The following QSOX1 variants were observed in gnomAD, a reference collection of about 807,000 sequenced individuals.
The protein encoded by QSOX1 is quiescin sulfhydryl oxidase 1.
QSOX1 carries 40 observed loss-of-function variants against 76.1 expected under a neutral mutation model. That is an observed-to-expected ratio of 0.53 (90% confidence interval 0.41 to 0.68). QSOX1 has a LOEUF of 0.68. Ranked by LOEUF, QSOX1 falls within the 30% of genes least tolerant of loss-of-function variation. The pLI is 0.00. For synonymous variants in QSOX1, 392 were observed against 413.1 expected (o/e 0.95, Z 0.62); for missense variants, 931 against 974.3 (o/e 0.96, Z 0.59).
intron 2 of QSOX1, among the ~76,000 whole-genome samples, chr1:180,175,001 A>C (rs111546181): frequency 0.046 from 6,747 of 145,804 alleles, 325 homozygotes; most frequent in African/African-American, 0.11. Context: ...AATACACACA[A>C]AAAAAATTAG....
chr1:180,175,515 CA>C lies in QSOX1; in HGVS notation c.412+153del, dbSNP rs1662867679. ...ACGGGAAGCCTAACTTGTGTCTTCC[CA>C]AAACTATCCTCCCAGTCAGCTTTAG... is the stretch of plus-strand genomic sequence containing the variant. On this transcript the variant is annotated intron_variant, in intron 3 of 11. Transcript: ENST00000367602. The C allele has an allele frequency of 6.0e-6, 5 of 830,830 alleles. No individual in the cohort carries two copies. In the South Asian group the frequency reaches 7.3e-5, roughly 12 times the overall value. 51.5% of individuals were successfully genotyped at this position (830,830 alleles called of 1,614,324 possible). A position where few individuals can be genotyped will look rare whatever the true frequency, so the allele number is the denominator to read the frequency against.
At position 180,194,292 on chromosome 1, in the gene QSOX1, C is replaced by G; in HGVS notation, c.1368C>G (p.Phe456Leu). The G allele has an allele frequency of 6.2e-7, 1 of 1,612,758 alleles. No homozygotes were observed. Among genetic ancestry groups the G allele is most frequent in the Non-Finnish European group, 8.5e-7 (1 of 1,179,156 alleles). Residue 456 changes from phenylalanine to leucine, a missense_variant, in exon 11 of 12, where the codon TTC becomes TTG. Physicochemically the swap from Phe to Leu is conservative, Grantham distance 22. Transcript: ENST00000367602. ...GCTGCCGAGACTGCGCTAGCCACTTCGAGCAGATGGCTGCTGCCTCCATGC... is the reference window on the plus strand; with the variant it reads ...GCTGCCGAGACTGCGCTAGCCACTTGGAGCAGATGGCTGCTGCCTCCATGC... ...FFGCRDCASH[F>L]EQMAAASMHR... is the part of the protein sequence containing the mutation.
intron 1 of QSOX1, among the ~76,000 whole-genome samples, chr1:180,157,080 A>C (rs533788774): frequency 6.6e-6 from 1 of 152,336 alleles, no homozygotes; most frequent in South Asian, 2.1e-4. Context: ...TACCACTTCC[A>C]AACAGGATTC....
rs1212048509 is a variant in QSOX1 at position 180,155,161 on chromosome 1, A to C, written c.254A>C (p.Glu85Ala). 6.6e-7 allele frequency: 1 copy of C among 1,514,652 alleles called. No homozygotes were observed. The highest frequency in any genetic ancestry group is 1.4e-5 in the African/African-American group (1 of 69,482). 93.8% of individuals were successfully genotyped at this position (1,514,652 alleles called of 1,614,324 possible). A position where few individuals can be genotyped will look rare whatever the true frequency, so the allele number is the denominator to read the frequency against. ...AFAPTWKALA[E>A]DVKAWRPALY... ...GCCCCGACGTGGAAGGCGCTGGCCGAAGACGTCAAAGGTGAGAAGCGGGGG... is the reference window on the plus strand; with the variant it reads ...GCCCCGACGTGGAAGGCGCTGGCCGCAGACGTCAAAGGTGAGAAGCGGGGG... Residue 85 changes from glutamate to alanine, a missense_variant, in exon 1 of 12, where the codon GAA (glutamate) becomes GCA (alanine). Transcript: ENST00000367602.
intron 1 of QSOX1, among the ~76,000 whole-genome samples, chr1:180,164,424 C>A (rs1205335838): frequency 6.6e-6 from 1 of 152,168 alleles, no homozygotes; most frequent in South Asian, 2.1e-4. Flanking sequence ...CAACCCCCCA[C>A]CCACCTCCCT....
In QSOX1 at chr1:180,200,633, G is replaced by A. The variant is rs903279481; in HGVS notation, c.*3596G>A. The A allele has an allele frequency of 1.6e-4, 25 of 152,270 alleles. No homozygotes were observed. Among genetic ancestry groups the A allele is most frequent in the East Asian group, 3.9e-4 (2 of 5,184 alleles). 9.4% of individuals were successfully genotyped at this position (152,270 alleles called of 1,614,324 possible). A position where few individuals can be genotyped will look rare whatever the true frequency, so the allele number is the denominator to read the frequency against. ...AAATCTCATTTAATCCTCCAACAAC[G>A]CAAGATGAAGAAGCTGAGGCTTAAA... is the stretch of plus-strand genomic sequence containing the variant. On this transcript the variant is annotated 3_prime_UTR_variant, in exon 12 of 12. Transcript: ENST00000367602.
rs1447477929 is a variant in QSOX1, at chr1:180,201,130, G to A, written c.*4093G>A. On this transcript the variant is annotated 3_prime_UTR_variant, in exon 12 of 12. Coordinates refer to ENST00000367602, the MANE Select transcript of QSOX1 (RefSeq NM_002826.5). ...AATTGGGGCCGCAGACTTAGTTTGCGGGTCCCTGCTAAATTCCTCTCCCTC... is the reference window on the plus strand; with the variant it reads ...AATTGGGGCCGCAGACTTAGTTTGCAGGTCCCTGCTAAATTCCTCTCCCTC... 1 of 152,122 alleles carries A rather than the reference G, an allele frequency of 6.6e-6. No homozygotes were observed. The highest frequency in any genetic ancestry group is 1.5e-5 in the Non-Finnish European group (1 of 68,018). The allele number at this position is 152,122 out of a possible 1,614,324, so 9.4% of individuals were successfully genotyped here.
Position 180,197,472 on chromosome 1 carries a change from G to A in QSOX1, c.*435G>A. The A allele has an allele frequency of 3.6e-6, 5 of 1,383,440 alleles. No homozygotes were observed. Among genetic ancestry groups the A allele is most frequent in the Admixed American group, 1.7e-5 (1 of 57,504 alleles). 85.7% of individuals were successfully genotyped at this position (1,383,440 alleles called of 1,614,324 possible). ...ATGGAACTCCTCACTAGCTGCTGGG[G>A]CTCCGCCCACCCTGCTCCCTTCCGG... is the stretch of plus-strand genomic sequence containing the variant. On this transcript the variant is annotated 3_prime_UTR_variant, in exon 12 of 12. Transcript: ENST00000367602.
chr1:180,203,838 TTC>T lies in QSOX1; in HGVS notation c.*6807_*6808del, dbSNP rs1346891975. ...CCACTTGCTGTTTTCTGTCCCTAAA[TTC>T]TCTCTGAGTACACTGCAGCCCTGAA... On this transcript the variant is annotated 3_prime_UTR_variant, in exon 12 of 12. Transcript: ENST00000367602. 6.6e-6 allele frequency: 1 copy of T among 152,240 alleles called. No homozygotes were observed. Among genetic ancestry groups the T allele is most frequent in the Non-Finnish European group, 1.5e-5 (1 of 68,042 alleles). 9.4% of individuals were successfully genotyped at this position (152,240 alleles called of 1,614,324 possible). A position where few individuals can be genotyped will look rare whatever the true frequency, so the allele number is the denominator to read the frequency against.
intron 6 of QSOX1, among the ~76,000 whole-genome samples, chr1:180,183,571 G>A (rs980520214): frequency 9.2e-5 from 14 of 152,184 alleles, no homozygotes; most frequent in Non-Finnish European, 1.9e-4. Context: ...GTCACACTCC[G>A]CCGTTCCTGT....
chr1:180,191,454 G>A (rs771887122), intron 10 of QSOX1, among the ~76,000 whole-genome samples: 1 of 152,250 alleles, frequency 6.6e-6, no homozygotes, highest in Non-Finnish European at 1.5e-5. Context: ...GGAGCAGCCT[G>A]TGTGGAGCCC....
rs1160256974 is a variant in QSOX1, at chr1:180,189,545, C to G, written c.1018-7C>G. The stretch of plus-strand genomic sequence containing the variant: ...ACTCTCCAGCTTCCGCTTGTTCCTC[C>G]CCACAGTATTTCCCTGGCCGGCCCT... On this transcript the variant is annotated splice_region_variant and splice_polypyrimidine_tract_variant and intron_variant, in intron 8 of 11. Transcript: ENST00000367602. 2 of 1,603,742 alleles carry G rather than the reference C, an allele frequency of 1.2e-6. No homozygotes were observed. The highest frequency in any genetic ancestry group is 1.7e-6 in the Non-Finnish European group (2 of 1,173,656).
At chr1:180,158,631 C>T (rs1662424857) in intron 1 of QSOX1, among the ~76,000 whole-genome samples, 1 of 152,128 alleles carries the variant, frequency 6.6e-6, no homozygotes, top group African/African-American at 2.4e-5. Context: ...TGCTGACTAG[C>T]TGGACAGGGC....
In QSOX1 at chr1:180,154,956, C is replaced by G. The variant is rs561867513; in HGVS notation, c.49C>G (p.Leu17Val). 4.0e-6 allele frequency: 6 copies of G among 1,499,846 alleles called. No homozygotes were observed. The East Asian group carries it at 1.7e-4, about 41-fold the overall frequency. 92.9% of individuals were successfully genotyped at this position (1,499,846 alleles called of 1,614,324 possible). A position where few individuals can be genotyped will look rare whatever the true frequency, so the allele number is the denominator to read the frequency against. ...CGGGCCGCCGCCGTCGCTGCTGCTG[C>G]TGCTGCTGTGGCTGCTCGCGGTTCC... ...GSGPPPSLLL[L>V]LLWLLAVPGA... The change falls in exon 1 of 12, where the codon CTG becomes GTG. Residue 17 changes from leucine to valine, a missense_variant. By Grantham distance (32) the Leu-to-Val change is conservative. Coordinates refer to ENST00000367602, the MANE Select transcript of QSOX1 (RefSeq NM_002826.5).
Position 180,155,029 on chromosome 1 carries a change from C to T in QSOX1, c.122C>T (p.Pro41Leu). The T allele has an allele frequency of 1.3e-6, 2 of 1,513,764 alleles. No individual in the cohort carries two copies. Among genetic ancestry groups the T allele is most frequent in the Non-Finnish European group, 1.8e-6 (2 of 1,138,274 alleles). 93.8% of individuals were successfully genotyped at this position (1,513,764 alleles called of 1,614,324 possible). A position where few individuals can be genotyped will look rare whatever the true frequency, so the allele number is the denominator to read the frequency against. The change falls in exon 1 of 12, where the codon CCG (proline) becomes CTG (leucine). Residue 41 changes from proline (P) to leucine (L), a missense_variant. Physicochemically the swap from Pro to Leu is moderately conservative, Grantham distance 98. Coordinates refer to ENST00000367602, the MANE Select transcript of QSOX1 (RefSeq NM_002826.5). ...TCGGCGCTCTATTCGCCTTCCGACC[C>T]GCTGACGCTGCTGCAGGCGGACACG... ...PRSALYSPSD[P>L]LTLLQADTVR...
At chr1:180,155,286 A>G in intron 1 of QSOX1, 114 bp downstream of exon 1, 3 of 980,914 alleles carry the variant, frequency 3.1e-6, no homozygotes, top group Non-Finnish European at 4.2e-6. Flanking sequence ...ACCTCCGCCC[A>G]CCTCTTCCTC....
intron 2 of QSOX1, among the ~76,000 whole-genome samples, chr1:180,170,284 C>T (rs371497991): frequency 2.0e-5 from 3 of 152,294 alleles, no homozygotes; most frequent in African/African-American, 7.2e-5. Context: ...AGGTGGGCCC[C>T]TTTCTCAGCA....
At chr1:180,162,599 TGTG>T (rs1662517878) in intron 1 of QSOX1, among the ~76,000 whole-genome samples, 1 of 151,992 alleles carries the variant, frequency 6.6e-6, no homozygotes, top group Non-Finnish European at 1.5e-5. Flanking sequence ...ATTAGCCAGG[TGTG>T]GTGGTGTGCA....
chr1:180,166,032 T>G (rs1297904573), intron 1 of QSOX1, among the ~76,000 whole-genome samples: 1 of 152,152 alleles, frequency 6.6e-6, no homozygotes, highest in Non-Finnish European at 1.5e-5. Flanking sequence ...CCCAGGAAAC[T>G]TCCCTAAGGG....
Sources: allele counts gnomAD v4.1 joint callset (sites outside exome capture counted in the v4.1 genomes callset), GRCh38; gene constraint gnomAD v4.1.1; transcripts MANE v1.5; gene names NCBI Gene and HGNC (gene_info 2026-07-23, HGNC 2026-07-21).